ZNF700: variants seen among roughly 807,000 people sequenced by gnomAD.
ZNF700 encodes the protein zinc finger protein 700.
A neutral mutation model predicts 65.3 loss-of-function variants in ZNF700; 38 were observed. That is an observed-to-expected ratio of 0.58 (90% CI 0.45 to 0.76). The LOEUF (loss-of-function observed/expected upper bound fraction) is 0.76. ZNF700 is among the 30% of genes least tolerant of loss of function. ZNF700 has a pLI of 0.00. For synonymous variants in ZNF700, 285 were observed against 290.4 expected (o/e 0.98, Z 0.19); for missense variants, 857 against 888.4 (o/e 0.96, Z 0.45).
At chr19:11,945,505 G>A (rs1180719328) in intron 1 of ZNF700, among the ~76,000 whole-genome samples, 1 of 152,156 alleles carries the variant, frequency 6.6e-6, no homozygotes, top group East Asian at 1.9e-4. Flanking sequence ...AGTGCTTGAG[G>A]TGGACCTGGA....
intron 1 of ZNF700, among the ~76,000 whole-genome samples, chr19:11,935,233 GTTT>G (rs1278688727): frequency 1.1e-4 from 10 of 93,212 alleles, no homozygotes; most frequent in South Asian, 3.5e-4. Context: ...GAAAGATCTT[GTTT>G]TTTTTTTTTT....
Position 11,925,389 on chromosome 19 carries a change from GTCC to G in ZNF700, c.63+121_63+123del, listed in dbSNP as rs1030534834. 22 of 1,505,252 alleles carry G rather than the reference GTCC, an allele frequency of 1.5e-5. No homozygotes were observed. The African/African-American group carries it at 2.9e-4, about 20-fold the overall frequency. The allele number at this position is 1,505,252 out of a possible 1,614,324, so 93.2% of individuals were successfully genotyped here. On this transcript the variant is annotated intron_variant, in intron 1 of 3. Coordinates refer to ENST00000254321, the MANE Select transcript of ZNF700 (RefSeq NM_144566.3). ...GGGCGACTCCGGGGTCTGGGACCGA[GTCC>G]TCCTTGAGCAGTTCGGCCCTCGGTC...
At chr19:11,945,084 C>T (rs1433218627) in intron 1 of ZNF700, among the ~76,000 whole-genome samples, 1 of 152,250 alleles carries the variant, frequency 6.6e-6, no homozygotes, top group African/African-American at 2.4e-5. Flanking sequence ...AGAACTCCAA[C>T]TGCCTTTTTT....
intron 1 of ZNF700, among the ~76,000 whole-genome samples, chr19:11,932,215 G>A (rs1447086090): frequency 6.8e-6 from 1 of 147,856 alleles, no homozygotes. Context: ...ATGGTGATGT[G>A]CGCCTGTAGA....
chr19:11,946,991 A>AAAATAAAT (rs1025133073), intron 1 of ZNF700, 190 bp from the exon 2 acceptor site: 29 of 1,095,930 alleles, frequency 2.6e-5, no homozygotes, highest in Admixed American at 3.6e-5. Flanking sequence ...TCTGTCTCAA[A>AAAATAAAT]AAATAAATAA....
intron 1 of ZNF700, among the ~76,000 whole-genome samples, chr19:11,946,071 G>A (rs965716099): frequency 9.2e-5 from 14 of 152,180 alleles, no homozygotes; most frequent in African/African-American, 2.9e-4. Context: ...CCATGGGCTC[G>A]TTAGGGGCAC....
In ZNF700 at chr19:11,948,919, A is replaced by C. The variant is rs780324791; in HGVS notation, c.895A>C (p.Ser299Arg). 2 of 1,607,006 alleles carry C rather than the reference A, an allele frequency of 1.2e-6. No homozygotes were observed. The highest frequency in any genetic ancestry group is 2.2e-5 in the East Asian group (1 of 44,852). Residue 299 changes from serine to arginine, a missense_variant, in exon 4 of 4, where the codon AGT becomes CGT. By Grantham distance (110) the Ser-to-Arg change is moderately radical. Transcript: ENST00000254321. ...TAGTTCCTATCATAGACATGAAAGA[A>C]GTCACATGGGAGAGAAGCCTTATCA... ...SSSSYHRHER[S>R]HMGEKPYQCK...
intron 1 of ZNF700, among the ~76,000 whole-genome samples, chr19:11,944,679 G>T (rs1429654230): frequency 6.6e-6 from 1 of 152,154 alleles, no homozygotes; most frequent in Non-Finnish European, 1.5e-5. Flanking sequence ...TCACATTTTG[G>T]CATTTCTGTG....
In ZNF700 at chr19:11,949,915, T is replaced by A; in HGVS notation, c.1891T>A (p.Ser631Thr). The change falls in exon 4 of 4, where the codon TCT becomes ACT. Residue 631 changes from serine to threonine, a missense_variant. Physicochemically the swap from Ser to Thr is moderately conservative, Grantham distance 58. This residue lies in a region of ZNF700 where 251 missense variants were observed against 250.3 expected (regional missense o/e 1.00). Coordinates refer to ENST00000254321, the MANE Select transcript of ZNF700 (RefSeq NM_144566.3). ...ECKQCGKAFR[S>T]ASNLQMHERT... ...TAAGCAATGTGGGAAAGCCTTCAGA[T>A]CTGCCTCAAACCTTCAGATGCATGA... The A allele has an allele frequency of 6.2e-7, 1 of 1,614,000 alleles. No individual in the cohort carries two copies. Among genetic ancestry groups the A allele is most frequent in the Non-Finnish European group, 8.5e-7 (1 of 1,179,980 alleles).
At position 11,948,917 on chromosome 19, in the gene ZNF700, G is replaced by T. The variant is rs758772107; in HGVS notation, c.893G>T (p.Arg298Ile). Residue 298 changes from arginine (R) to isoleucine (I), a missense_variant, in exon 4 of 4, where the codon AGA becomes ATA. Arg to Ile is a moderately conservative substitution (Grantham distance 97). Around this residue, in one of 3 missense-constraint regions of ZNF700, gnomAD observed 603 missense variants for 619.9 expected, o/e 0.97. Coordinates refer to ENST00000254321, the MANE Select transcript of ZNF700 (RefSeq NM_144566.3). The stretch of plus-strand genomic sequence containing the variant: ...TCTAGTTCCTATCATAGACATGAAA[G>T]AAGTCACATGGGAGAGAAGCCTTAT... ...HSSSSYHRHERSHMGEKPYQC... is the reference protein window; with the variant it reads ...HSSSSYHRHEISHMGEKPYQC... The T allele has an allele frequency of 6.2e-7, 1 of 1,606,750 alleles. No homozygotes were observed. Among genetic ancestry groups the T allele is most frequent in the Non-Finnish European group, 8.5e-7 (1 of 1,178,440 alleles).
intron 1 of ZNF700, 148 bp from the exon 2 acceptor site, chr19:11,947,033 T>C (rs941733150): frequency 4.6e-5 from 60 of 1,316,216 alleles, no homozygotes; most frequent in Admixed American, 2.1e-4. Context: ...AGAAAGTAAG[T>C]ATAGATGGAG....
At chr19:11,926,170 A>G (rs1475515989) in intron 1 of ZNF700, among the ~76,000 whole-genome samples, 1 of 152,156 alleles carries the variant, frequency 6.6e-6, no homozygotes, top group Admixed American at 6.5e-5. Flanking sequence ...CTGAGGCGTG[A>G]CTTTACTTTT....
chr19:11,929,162 T>C (rs921808702), intron 1 of ZNF700, among the ~76,000 whole-genome samples: 1 of 148,114 alleles, frequency 6.8e-6, no homozygotes, highest in African/African-American at 2.6e-5. Flanking sequence ...TGAATTACTT[T>C]GTTGTTTTTG....
chr19:11,930,983 G>T (rs953905523), intron 1 of ZNF700, among the ~76,000 whole-genome samples: 6 of 137,288 alleles, frequency 4.4e-5, no homozygotes, highest in Admixed American at 4.3e-4. Flanking sequence ...AGGGCAACAA[G>T]AACAAAATTC....
At chr19:11,945,062 A>G (rs890585251) in intron 1 of ZNF700, among the ~76,000 whole-genome samples, 6 of 152,228 alleles carry the variant, frequency 3.9e-5, no homozygotes, top group Admixed American at 2.6e-4. Context: ...CCAGGGCCCC[A>G]CAGTCTGGGT....
chr19:11,948,485 A>G lies in ZNF700; in HGVS notation c.461A>G (p.Tyr154Cys), dbSNP rs1377931180. 2 of 1,614,012 alleles carry G rather than the reference A, an allele frequency of 1.2e-6. No homozygotes were observed. Among genetic ancestry groups the G allele is most frequent in the Non-Finnish European group, 1.7e-6 (2 of 1,180,014 alleles). Residue 154 changes from tyrosine to cysteine, a missense_variant, in exon 4 of 4, where the codon TAT becomes TGT. Around this residue, in one of 3 missense-constraint regions of ZNF700, gnomAD observed 603 missense variants for 619.9 expected, o/e 0.97. Coordinates refer to ENST00000254321, the MANE Select transcript of ZNF700 (RefSeq NM_144566.3). ...AGAGGTGACACTGGACACAAGGCAT[A>G]TGAGTATCAGGAATATGGACCAAAG... is the stretch of plus-strand genomic sequence containing the variant. ...SIRGDTGHKA[Y>C]EYQEYGPKPY... is the part of the protein sequence containing the mutation.
At chr19:11,939,542 G>A (rs1021918524) in intron 1 of ZNF700, among the ~76,000 whole-genome samples, 2 of 152,162 alleles carry the variant, frequency 1.3e-5, no homozygotes, top group African/African-American at 4.8e-5. Context: ...TTGTATATGT[G>A]TGGTATTATT....
chr19:11,931,251 A>G (rs1166925293), intron 1 of ZNF700, among the ~76,000 whole-genome samples: 1 of 148,012 alleles, frequency 6.8e-6, no homozygotes, highest in Admixed American at 6.6e-5. Flanking sequence ...CCATCTTCAG[A>G]GAGCTGGCAG....
intron 1 of ZNF700, among the ~76,000 whole-genome samples, chr19:11,931,671 T>TGAAA (rs1334145671): frequency 9.4e-5 from 14 of 148,462 alleles, no homozygotes; most frequent in Admixed American, 2.0e-4. Context: ...TTCAGAGAGG[T>TGAAA]TACATCATAG....
Sources: gnomAD v4.1 joint callset for allele counts (sites outside exome capture counted in the v4.1 genomes callset) on GRCh38, gnomAD v4.1.1 for gene constraint, gnomAD v4.1.1 regional missense constraint, MANE v1.5 for transcripts, NCBI Gene and HGNC (gene_info 2026-07-23, HGNC 2026-07-21) for gene names.